Variants in PSD3 observed in about 807,000 individuals in gnomAD.
PSD3 encodes PH and SEC7 domain-containing protein 3.
PSD3 carries 49 observed loss-of-function variants against 105.5 expected under a neutral mutation model. The ratio of observed to expected loss-of-function variants is 0.46; its 90% confidence interval spans 0.37 to 0.59. The LOEUF (loss-of-function observed/expected upper bound fraction) is 0.59, where lower values mean the gene tolerates loss of function less well. Ranked by LOEUF, PSD3 falls within the 20% of genes least tolerant of loss-of-function variation. The probability of loss-of-function intolerance (pLI) is 0.00; values close to 1 mark genes in which losing one functional copy is unlikely to be tolerated. For missense variants in PSD3, 1,561 were observed against 1,263.8 expected (o/e 1.24, Z -3.57); for synonymous variants, 557 against 457.8 (o/e 1.22, Z -2.77).
At position 18,698,161 on chromosome 8, in the gene PSD3, C is replaced by T. The variant is rs1343852478; in HGVS notation, c.2173-42476G>A. Among the ~76,000 whole-genome samples the T allele has an allele frequency of 4.6e-5, 7 of 152,160 alleles. No homozygotes were observed. The South Asian group carries it at 6.2e-4, about 14-fold the overall frequency. On this transcript the variant is annotated intron_variant, in intron 9 of 15. Coordinates refer to ENST00000327040, the MANE Select transcript of PSD3 (RefSeq NM_015310.4). ...TAGCCCAGGCTCAAGTGCAGTGGTG[C>T]GATCATAGCTCATTGTAACCTCGAA...
rs149793317 is a variant in PSD3, at chr8:19,060,337, G to A, written c.324+23869C>T. Among the ~76,000 whole-genome samples the A allele has an allele frequency of 2.6e-5, 4 of 152,246 alleles. No homozygotes were observed. The East Asian group carries it at 7.7e-4, about 29-fold the overall frequency. ...AATACCTCCTATTTACCAATATATA[G>A]GTATCTACAGTTTACTTTTAGGTTT... On this transcript the variant is annotated intron_variant, in intron 1 of 1. Transcript: ENST00000521475.
chr8:18,980,893 T>G (rs141773445), intron 1 of PSD3, among the ~76,000 whole-genome samples: 1 of 152,190 alleles, frequency 6.6e-6, no homozygotes, highest in Non-Finnish European at 1.5e-5. Context: ...TTCCCTGAAC[T>G]CTTTTCACAG....
upstream of PSD3, among the ~76,000 whole-genome samples, chr8:19,018,634 A>T (rs116631066): frequency 4.3e-3 from 660 of 152,356 alleles, 3 homozygotes; most frequent in African/African-American, 0.015. Flanking sequence ...GAAGCTGAGA[A>T]CATCTTGCAA....
At chr8:18,953,977 T>C (rs917742660) in intron 1 of PSD3, among the ~76,000 whole-genome samples, 1 of 151,872 alleles carries the variant, frequency 6.6e-6, no homozygotes, top group African/African-American at 2.4e-5. Context: ...AACTGCAGGG[T>C]TGATACTCAA....
Position 18,533,562 on chromosome 8 carries a change from T to A in PSD3, c.*2181A>T, listed in dbSNP as rs1310136549. The A allele has an allele frequency of 6.6e-6, 1 of 152,192 alleles. No homozygotes were observed. The highest frequency in any genetic ancestry group is 1.5e-5 in the Non-Finnish European group (1 of 68,042). The allele number at this position is 152,192 out of a possible 1,614,324, so 9.4% of individuals were successfully genotyped here. A position where few individuals can be genotyped will look rare whatever the true frequency, so the allele number is the denominator to read the frequency against. ...AAGGTACCATTCAATGTATATTAAA[T>A]AAGTAAAATACATACAGACATTCTA... On this transcript the variant is annotated 3_prime_UTR_variant, in exon 16 of 16. Transcript: ENST00000327040.
intron 9 of PSD3, among the ~76,000 whole-genome samples, chr8:18,755,860 C>T (rs1219075832): frequency 2.0e-5 from 3 of 151,764 alleles, no homozygotes; most frequent in Admixed American, 2.0e-4. Context: ...TGGTCTGAAC[C>T]ACACCAAAAG....
At chr8:18,575,982 A>G (rs1262153016) in intron 12 of PSD3, among the ~76,000 whole-genome samples, 3 of 152,166 alleles carry the variant, frequency 2.0e-5, no homozygotes, top group Admixed American at 2.0e-4. Context: ...TTTATCAAAA[A>G]CAAGATAAAC....
At chr8:18,971,567 G>A (rs117703079) in intron 1 of PSD3, among the ~76,000 whole-genome samples, 1,837 of 152,240 alleles carry the variant, frequency 0.012, 26 homozygotes, top group Non-Finnish European at 0.022. Flanking sequence ...TGCAGCCCCC[G>A]GGCTTCAGCA....
At chr8:18,804,035 C>T (rs73595755) in intron 6 of PSD3, among the ~76,000 whole-genome samples, 6,622 of 152,216 alleles carry the variant, frequency 0.044, 491 homozygotes, top group African/African-American at 0.15. Context: ...TTGTTTACCA[C>T]CTGAACTCAG....
intron 12 of PSD3, among the ~76,000 whole-genome samples, chr8:18,596,894 G>C (rs1475920628): frequency 6.6e-6 from 1 of 152,074 alleles, no homozygotes; most frequent in African/African-American, 2.4e-5. Flanking sequence ...CTACCTAACA[G>C]TTAAACAACT....
At chr8:19,018,400 T>G (rs1363661090), upstream of PSD3, among the ~76,000 whole-genome samples, 1 of 152,078 alleles carries the variant, frequency 6.6e-6, no homozygotes, top group Non-Finnish European at 1.5e-5. Flanking sequence ...CCTAAGGTGA[T>G]GCAGGTGTTC....
At position 18,996,997 on chromosome 8, in the gene PSD3, T is replaced by C. The variant is rs191063879; in HGVS notation, c.21+16566A>G. On this transcript the variant is annotated intron_variant, in intron 1 of 15. Coordinates refer to ENST00000327040, the MANE Select transcript of PSD3 (RefSeq NM_015310.4). ...GGCTGGCAAGACCTCGCACTCTCGA[T>C]TCCCCTCATTCGCTGCTTTCCTTCA... 6.3e-4 allele frequency among the ~76,000 whole-genome samples: 96 copies of C among 152,034 alleles called. 3 individuals carry two copies. The East Asian group carries it at 0.01, about 16-fold the overall frequency.
chr8:18,568,952 T>C lies in PSD3; in HGVS notation c.2784+3576A>G, dbSNP rs1386735210. Among the ~76,000 whole-genome samples, 171 of 148,528 alleles carry C rather than the reference T, an allele frequency of 1.2e-3. 1 individual carries two copies. The highest frequency in any genetic ancestry group is 3.4e-3 in the African/African-American group (137 of 40,484). ...GTTCCCACCTATGAGTGAGAATATGTGGTGTTTGGTTTTTTGTTCTTGCGA... is the reference window on the plus strand; with the variant it reads ...GTTCCCACCTATGAGTGAGAATATGCGGTGTTTGGTTTTTTGTTCTTGCGA... On this transcript the variant is annotated intron_variant, in intron 14 of 15. Coordinates refer to ENST00000327040, the MANE Select transcript of PSD3 (RefSeq NM_015310.4).
At chr8:18,672,569 C>G (rs1799843953) in intron 9 of PSD3, among the ~76,000 whole-genome samples, 1 of 152,274 alleles carries the variant, frequency 6.6e-6, no homozygotes, top group African/African-American at 2.4e-5. Context: ...TTTTAGGGAG[C>G]TAAATAGAAT....
chr8:18,870,480 T>C (rs1292789419), intron 3 of PSD3, among the ~76,000 whole-genome samples: 1 of 151,834 alleles, frequency 6.6e-6, no homozygotes, highest in African/African-American at 2.4e-5. Context: ...AGTTAAACAA[T>C]GAGAACATAT....
intron 9 of PSD3, among the ~76,000 whole-genome samples, chr8:18,750,945 C>A (rs1391897807): frequency 6.6e-6 from 1 of 152,138 alleles, no homozygotes; most frequent in Non-Finnish European, 1.5e-5. Flanking sequence ...AGACTCTCCA[C>A]CTCCCCACCA....
chr8:18,949,244 AATATATATATATATATAT>A (rs1215845074), intron 1 of PSD3, among the ~76,000 whole-genome samples: 1 of 14,408 alleles, frequency 6.9e-5, no homozygotes, highest in Non-Finnish European at 1.8e-4. Context: ...AAAAAAAAAA[AATATATATATATATATAT>A]ATATATATAT....
intron 8 of PSD3, among the ~76,000 whole-genome samples, chr8:18,778,097 A>G (rs1238206612): frequency 6.6e-6 from 1 of 152,196 alleles, no homozygotes; most frequent in Non-Finnish European, 1.5e-5. Flanking sequence ...GTACTGTAGT[A>G]AGTACAGGGA....
chr8:18,881,985 T>A (rs1586317238), intron 2 of PSD3, among the ~76,000 whole-genome samples: 1 of 151,884 alleles, frequency 6.6e-6, no homozygotes, highest in Non-Finnish European at 1.5e-5. Flanking sequence ...AGGCAGGAGG[T>A]TCACTTGAGC....
Sources: gnomAD v4.1 joint callset for allele counts (sites outside exome capture counted in the v4.1 genomes callset) on GRCh38, gnomAD v4.1.1 for gene constraint, MANE v1.5 for transcripts, NCBI Gene and HGNC (gene_info 2026-07-23, HGNC 2026-07-21) for gene names.